EYA1: variants seen among roughly 807,000 people sequenced by gnomAD.
The protein encoded by EYA1 is EYA transcriptional coactivator and phosphatase 1.
Under a neutral mutation model 82.0 loss-of-function variants are expected in EYA1, and 16 were observed. That is an observed-to-expected ratio of 0.20 (90% CI 0.13 to 0.30). EYA1 has a LOEUF of 0.30. Among genes scored for constraint, EYA1 ranks in the 10% least tolerant of loss-of-function variants. EYA1 has a pLI of 1.00. For synonymous variants in EYA1, 261 were observed against 264.4 expected, an observed-to-expected ratio of 0.99 and a Z score of 0.12; for missense variants, 633 against 730.7, an observed-to-expected ratio of 0.87 and a Z score of 1.54.
intron 12 of EYA1, among the ~76,000 whole-genome samples, chr8:71,234,546 C>A (rs1811600355): frequency 6.6e-6 from 1 of 152,114 alleles, no homozygotes; most frequent in South Asian, 2.1e-4. Context: ...AGGAGTATAC[C>A]ACTCCCTCCT....
chr8:71,501,221 G>T (rs1218566374), intron 2 of EYA1, among the ~76,000 whole-genome samples: 1 of 152,170 alleles, frequency 6.6e-6, no homozygotes, highest in Non-Finnish European at 1.5e-5. Flanking sequence ...CAGAATATGA[G>T]GCAAGGCCTG....
In EYA1 at chr8:71,211,271, T is replaced by C. The variant is rs372286227; in HGVS notation, c.1598-15A>G. On this transcript the variant is annotated splice_polypyrimidine_tract_variant and intron_variant, in intron 16 of 17. Transcript: ENST00000340726. Reference sequence around the variant, plus strand: ...GCTTTCTTTTCCTAGTGAACAAAAATAAATGATAGAAAATGTGAAGTTTGG... The same window carrying C: ...GCTTTCTTTTCCTAGTGAACAAAAACAAATGATAGAAAATGTGAAGTTTGG... The C allele has an allele frequency of 4.7e-4, 727 of 1,534,842 alleles. 6 individuals are homozygous for C. In the South Asian group the frequency reaches 7.7e-3, roughly 16 times the overall value.
chr8:71,261,409 AAG>A (rs1230146115), intron 11 of EYA1, among the ~76,000 whole-genome samples: 38 of 152,326 alleles, frequency 2.5e-4, no homozygotes, highest in African/African-American at 9.1e-4. Flanking sequence ...ACAGATTACC[AAG>A]AGAGACTGTA....
chr8:71,278,962 C>T (rs1394387139), intron 9 of EYA1, among the ~76,000 whole-genome samples: 1 of 152,116 alleles, frequency 6.6e-6, no homozygotes, highest in Non-Finnish European at 1.5e-5. Context: ...GACTACTCTC[C>T]CTAAACAGAA....
chr8:71,539,892 A>G (rs1246308490), intron 1 of EYA1, among the ~76,000 whole-genome samples: 3 of 152,352 alleles, frequency 2.0e-5, no homozygotes, highest in Admixed American at 6.5e-5. Flanking sequence ...CAGACTCTGC[A>G]GAAAACATTA....
At position 71,346,440 on chromosome 8, in the gene EYA1, ATATATATATATATATC is replaced by A. The variant is rs1351701686; in HGVS notation, c.124+8326_124+8341del. 4.2e-5 allele frequency among the ~76,000 whole-genome samples: 6 copies of A among 141,186 alleles called. 1 individual carries two copies. Among genetic ancestry groups the A allele is most frequent in the East Asian group, 2.2e-4 (1 of 4,478 alleles). The allele number at this position is 141,186 out of a possible 152,430, so 92.6% of individuals were successfully genotyped here. ...TTTTTTTACTGCAGTGAATATATAT[ATATATATATATATATC>A]TATATATATCCTTCTCCCTGCAGTT... On this transcript the variant is annotated intron_variant, in intron 3 of 17. Transcript: ENST00000340726.
chr8:71,267,425 G>T (rs1353434666), intron 11 of EYA1, among the ~76,000 whole-genome samples: 1 of 152,154 alleles, frequency 6.6e-6, no homozygotes, highest in African/African-American at 2.4e-5. Context: ...CAGAAACCTG[G>T]CTTTCTGAAG....
intron 3 of EYA1, among the ~76,000 whole-genome samples, chr8:71,339,240 A>G (rs909157693): frequency 1.3e-5 from 2 of 152,060 alleles, no homozygotes; most frequent in Non-Finnish European, 2.9e-5. Context: ...AGAGCCAGCC[A>G]CGTCTAGCTC....
intron 11 of EYA1, among the ~76,000 whole-genome samples, chr8:71,254,867 C>A: frequency 7.1e-6 from 1 of 140,956 alleles, no homozygotes; most frequent in East Asian, 2.2e-4. Context: ...CACACAGAGT[C>A]TGTTAGAACT....
At chr8:71,240,157 T>C (rs1483229395) in intron 12 of EYA1, among the ~76,000 whole-genome samples, 1 of 152,104 alleles carries the variant, frequency 6.6e-6, no homozygotes, top group African/African-American at 2.4e-5. Context: ...TCATTGCAGC[T>C]TTCTCCTTTT....
chr8:71,220,089 A>G (rs1809706056), intron 12 of EYA1, among the ~76,000 whole-genome samples: 1 of 152,210 alleles, frequency 6.6e-6, no homozygotes, highest in South Asian at 2.1e-4. Context: ...TCCTGGAAGA[A>G]TCTACTGACA....
intron 2 of EYA1, among the ~76,000 whole-genome samples, chr8:71,492,967 A>G (rs1811132828): frequency 2.0e-5 from 3 of 152,108 alleles, no homozygotes; most frequent in African/African-American, 4.8e-5. Flanking sequence ...TTGTGTGTCC[A>G]TATGTTCTCA....
chr8:71,470,668 T>C (rs144641422), intron 2 of EYA1, among the ~76,000 whole-genome samples: 48 of 152,162 alleles, frequency 3.2e-4, no homozygotes, highest in Non-Finnish European at 5.7e-4. Context: ...ATTAATCTGA[T>C]ATAGAAAAGA....
At position 71,253,929 on chromosome 8, in the gene EYA1, A is replaced by G. The variant is rs145449987; in HGVS notation, c.1051-9237T>C. Among the ~76,000 whole-genome samples, 342 of 152,320 alleles carry G rather than the reference A, an allele frequency of 2.2e-3. 1 individual carries two copies. Among genetic ancestry groups the G allele is most frequent in the African/African-American group, 7.9e-3 (330 of 41,586 alleles). Reference sequence around the variant, plus strand: ...AAAATTCAGCAAGTGGTTTAGTTTCATCTCAAAACTTCACCTCAGCAAAAA... The same window carrying G: ...AAAATTCAGCAAGTGGTTTAGTTTCGTCTCAAAACTTCACCTCAGCAAAAA... On this transcript the variant is annotated intron_variant, in intron 11 of 17. Coordinates refer to ENST00000340726, the MANE Select transcript of EYA1 (RefSeq NM_000503.6).
chr8:71,531,536 T>G (rs1814278079), intron 2 of EYA1, among the ~76,000 whole-genome samples: 1 of 152,166 alleles, frequency 6.6e-6, no homozygotes, highest in Non-Finnish European at 1.5e-5. Flanking sequence ...AAAATTCACT[T>G]TTAAAAAAGT....
chr8:71,505,869 C>T (rs28455532), intron 2 of EYA1, among the ~76,000 whole-genome samples: 8,254 of 152,140 alleles, frequency 0.054, 780 homozygotes, highest in African/African-American at 0.19. Context: ...AAGGGTGAGA[C>T]CTGGTGGGAG....
At chr8:71,311,464 C>T (rs562937096) in intron 7 of EYA1, among the ~76,000 whole-genome samples, 8 of 152,304 alleles carry the variant, frequency 5.3e-5, no homozygotes, top group South Asian at 4.1e-4. Context: ...ATATTGTTTG[C>T]AGAACTGACC....
At chr8:71,515,214 G>A (rs995524167) in intron 2 of EYA1, among the ~76,000 whole-genome samples, 50 of 151,990 alleles carry the variant, frequency 3.3e-4, no homozygotes, top group African/African-American at 1.1e-3. Context: ...AAATTCTATT[G>A]GCTCATTTTT....
At chr8:71,456,758 T>C (rs1160508345) in intron 2 of EYA1, among the ~76,000 whole-genome samples, 2 of 152,110 alleles carry the variant, frequency 1.3e-5, no homozygotes, top group African/African-American at 4.8e-5. Flanking sequence ...CAAAAATTAA[T>C]TCAAGATGGA....
Sources: allele counts gnomAD v4.1 joint callset (sites outside exome capture counted in the v4.1 genomes callset), GRCh38; gene constraint gnomAD v4.1.1; transcripts MANE v1.5; gene names NCBI Gene and HGNC (gene_info 2026-07-23, HGNC 2026-07-21).